Variants in TMEM51 observed in about 807,000 individuals in gnomAD.
The protein encoded by TMEM51 is chromosome 1 open reading frame 72.
Under a neutral mutation model 13.6 loss-of-function variants are expected in TMEM51, and 8 were observed. The observed-to-expected ratio is 0.59, with a 90% confidence interval of 0.35 to 1.07. TMEM51 has a LOEUF of 1.07. TMEM51 is among the 50% of genes least tolerant of loss of function. The probability of loss-of-function intolerance (pLI) is 0.02; values close to 1 mark genes in which losing one functional copy is unlikely to be tolerated. For missense variants in TMEM51, 279 were observed against 330.7 expected (o/e 0.84, Z 1.21); for synonymous variants, 147 against 144.4 (o/e 1.02, Z -0.13).
rs144806731 is a variant in TMEM51, at chr1:15,161,147, C to T, written c.-267+7193C>T. On this transcript the variant is annotated intron_variant, in intron 1 of 3. Transcript: ENST00000376008. This position sits in a 1 kb window ranked among gnomAD's most constrained non-coding sequence, Gnocchi z 4.0. ...CACAGGCCAATACTGAGTGTAGAAACGCTGCACTCAGGGCAGATGCTGAAG... is the reference window on the plus strand; with the variant it reads ...CACAGGCCAATACTGAGTGTAGAAATGCTGCACTCAGGGCAGATGCTGAAG... Among the ~76,000 whole-genome samples the T allele has an allele frequency of 1.1e-3, 160 of 152,156 alleles. 2 individuals are homozygous for T. The highest frequency in any genetic ancestry group is 3.7e-3 in the African/African-American group (152 of 41,422).
intron 2 of TMEM51, among the ~76,000 whole-genome samples, chr1:15,212,241 A>G (rs1399944923): frequency 2.0e-5 from 3 of 152,116 alleles, no homozygotes; most frequent in Non-Finnish European, 2.9e-5. Context: ...AAATGCCATG[A>G]AATTGCCATC....
chr1:15,159,691 G>A (rs1642708279), intron 1 of TMEM51, among the ~76,000 whole-genome samples: 1 of 152,090 alleles, frequency 6.6e-6, no homozygotes, highest in African/African-American at 2.4e-5. Flanking sequence ...CTAGTAGCTG[G>A]GACTACAGGC....
chr1:15,194,370 C>T (rs577408156), intron 1 of TMEM51, among the ~76,000 whole-genome samples: 2 of 152,338 alleles, frequency 1.3e-5, no homozygotes, highest in African/African-American at 4.8e-5. Context: ...TTCCCTCTGG[C>T]CACCTGACAG....
chr1:15,154,420 T>G (rs552011090), intron 1 of TMEM51, among the ~76,000 whole-genome samples: 1 of 152,290 alleles, frequency 6.6e-6, no homozygotes, highest in Admixed American at 6.5e-5. Context: ...TGTGTGTATG[T>G]GTGTGTGTCG....
At chr1:15,214,088 T>A (rs1644385737) in intron 2 of TMEM51, among the ~76,000 whole-genome samples, 1 of 150,884 alleles carries the variant, frequency 6.6e-6, no homozygotes, top group African/African-American at 2.4e-5. Flanking sequence ...CTTGACCTCG[T>A]GATCCATCCA....
chr1:15,174,929 C>G (rs1271344628), intron 1 of TMEM51, among the ~76,000 whole-genome samples: 1 of 152,180 alleles, frequency 6.6e-6, no homozygotes, highest in Non-Finnish European at 1.5e-5. Flanking sequence ...AGCCCTATCT[C>G]CTAATATGTT....
chr1:15,156,940 G>A (rs967577819), intron 1 of TMEM51, among the ~76,000 whole-genome samples: 1 of 152,166 alleles, frequency 6.6e-6, no homozygotes, highest in African/African-American at 2.4e-5. Flanking sequence ...ATAGAGTTGA[G>A]CTCCTCCCCA....
At chr1:15,157,315 G>A (rs1331432736) in intron 1 of TMEM51, among the ~76,000 whole-genome samples, 6 of 152,138 alleles carry the variant, frequency 3.9e-5, no homozygotes, top group Non-Finnish European at 7.4e-5. Flanking sequence ...TCTTGCCCTG[G>A]ATTTATCAGA....
At chr1:15,206,600 T>C (rs1053696414) in intron 1 of TMEM51, among the ~76,000 whole-genome samples, 6 of 144,122 alleles carry the variant, frequency 4.2e-5, no homozygotes, top group African/African-American at 1.2e-4. Flanking sequence ...GACTCCAAGA[T>C]GGTGGGGCAG....
intron 1 of TMEM51, among the ~76,000 whole-genome samples, chr1:15,172,185 TG>T (rs528724714): frequency 3.9e-5 from 6 of 152,164 alleles, no homozygotes; most frequent in African/African-American, 7.2e-5. Context: ...AAGACCAGCC[TG>T]GGCAACATGG....
intron 2 of TMEM51, among the ~76,000 whole-genome samples, chr1:15,212,531 C>T (rs1348488949): frequency 2.0e-5 from 3 of 152,198 alleles, no homozygotes; most frequent in Non-Finnish European, 2.9e-5. Context: ...GTGCTCAGAA[C>T]GTGGTATTTT....
intron 1 of TMEM51, among the ~76,000 whole-genome samples, chr1:15,186,081 C>T (rs1046642562): frequency 3.9e-5 from 6 of 152,316 alleles, no homozygotes; most frequent in Admixed American, 2.6e-4. Context: ...CCTGCCCCCT[C>T]CTCCCACTCA....
At chr1:15,163,863 C>T (rs11587795) in intron 1 of TMEM51, among the ~76,000 whole-genome samples, 31,402 of 148,954 alleles carry the variant, frequency 0.21, 3,578 homozygotes, top group East Asian at 0.31. Context: ...AAGTCTCACT[C>T]TGTTACCCAG....
intron 1 of TMEM51, among the ~76,000 whole-genome samples, chr1:15,198,790 T>C (rs1036155510): frequency 1.3e-5 from 2 of 152,222 alleles, no homozygotes; most frequent in Non-Finnish European, 2.9e-5. Context: ...CTCTCTTTTC[T>C]TTCCCTCCAG....
At chr1:15,210,868 C>T (rs1644328170) in intron 2 of TMEM51, among the ~76,000 whole-genome samples, 1 of 152,182 alleles carries the variant, frequency 6.6e-6, no homozygotes, top group African/African-American at 2.4e-5. Flanking sequence ...AAGCCAAGAA[C>T]AGGACAAACA....
At chr1:15,155,812 C>A (rs540467251) in intron 1 of TMEM51, among the ~76,000 whole-genome samples, 1 of 152,100 alleles carries the variant, frequency 6.6e-6, no homozygotes, top group Non-Finnish European at 1.5e-5. Context: ...GTGGGCCAGG[C>A]GCTGTTCTAG....
intron 1 of TMEM51, among the ~76,000 whole-genome samples, chr1:15,193,738 G>C (rs963844131): frequency 6.6e-6 from 1 of 152,114 alleles, no homozygotes; most frequent in Admixed American, 6.5e-5. Flanking sequence ...TTTTTATTTA[G>C]TAGAGACAGG....
intron 1 of TMEM51, among the ~76,000 whole-genome samples, chr1:15,205,316 C>T (rs1254795736): frequency 2.0e-5 from 3 of 152,156 alleles, no homozygotes; most frequent in Non-Finnish European, 2.9e-5. Flanking sequence ...TGTTTGGAGT[C>T]GGGGAGGGAA....
chr1:15,189,555 G>T (rs906125540), intron 1 of TMEM51, among the ~76,000 whole-genome samples: 1 of 152,122 alleles, frequency 6.6e-6, no homozygotes, highest in Non-Finnish European at 1.5e-5. Flanking sequence ...ATAGCTCCTG[G>T]CCTGAGGGAA....
Sources: allele counts gnomAD v4.1 joint callset (sites outside exome capture counted in the v4.1 genomes callset), GRCh38; gene constraint gnomAD v4.1.1; non-coding constraint Gnocchi (gnomAD v3.1); transcripts MANE v1.5; gene names NCBI Gene and HGNC (gene_info 2026-07-23, HGNC 2026-07-21).